SGCD: variants seen among roughly 807,000 people sequenced by gnomAD.
The protein encoded by SGCD is sarcoglycan delta.
A neutral mutation model predicts 36.6 loss-of-function variants in SGCD; 18 were observed. The ratio of observed to expected loss-of-function variants is 0.49; its 90% CI spans 0.34 to 0.73. SGCD has a LOEUF of 0.73. Ranked by LOEUF, SGCD falls within the 30% of genes least tolerant of loss-of-function variation. The pLI, the probability that SGCD is intolerant of heterozygous loss-of-function variation, is 0.01. For synonymous variants in SGCD, 133 were observed against 130.6 expected (o/e 1.02, Z -0.12); for missense variants, 387 against 346.7 (o/e 1.12, Z -0.92).
chr5:156,317,261 A>G (rs1767541998), intron 3 of SGCD, among the ~76,000 whole-genome samples: 1 of 152,146 alleles, frequency 6.6e-6, no homozygotes, highest in African/African-American at 2.4e-5. Context: ...CATGTTAGGT[A>G]TGGTTATGTA....
rs550424139 is a variant in SGCD at position 156,750,222 on chromosome 5, AG to A, written c.576-7355del. 2.4e-3 allele frequency among the ~76,000 whole-genome samples: 367 copies of A among 152,256 alleles called. 1 individual carries two copies. The highest frequency in any genetic ancestry group is 8.6e-3 in the African/African-American group (356 of 41,566). On this transcript the variant is annotated intron_variant, in intron 7 of 8. Coordinates refer to ENST00000337851, the MANE Select transcript of SGCD (RefSeq NM_000337.6). Reference sequence around the variant, plus strand: ...GAGAACTATCTTATTAAAAGGCATTAGGGGAGAAAAATCCTAGAATAAAAAA... The same window carrying A: ...GAGAACTATCTTATTAAAAGGCATTAGGGAGAAAAATCCTAGAATAAAAAA...
At chr5:156,122,598 G>C (rs909445776) in intron 2 of SGCD, among the ~76,000 whole-genome samples, 1 of 151,842 alleles carries the variant, frequency 6.6e-6, no homozygotes, top group Non-Finnish European at 1.5e-5. Flanking sequence ...GAATAAATGA[G>C]GGGGAAAAGA....
intron 3 of SGCD, among the ~76,000 whole-genome samples, chr5:156,253,694 A>G (rs1415303325): frequency 6.6e-6 from 1 of 152,192 alleles, no homozygotes; most frequent in Non-Finnish European, 1.5e-5. Context: ...CGGATTCCTC[A>G]GGTGCCAGAA....
chr5:156,483,576 A>G (rs1755532871), intron 3 of SGCD, among the ~76,000 whole-genome samples: 1 of 152,136 alleles, frequency 6.6e-6, no homozygotes, highest in Non-Finnish European at 1.5e-5. Flanking sequence ...TGGCAACTTC[A>G]TTTGTATGTG....
intron 6 of SGCD, among the ~76,000 whole-genome samples, chr5:156,607,468 T>C (rs1205393849): frequency 1.3e-5 from 2 of 152,216 alleles, no homozygotes; most frequent in African/African-American, 2.4e-5. Context: ...TTGAGGATTT[T>C]TGCATCGATG....
rs1281342761 is a variant in SGCD at position 155,966,172 on chromosome 5, A to G, written c.-282+95748A>G. 3.3e-5 allele frequency among the ~76,000 whole-genome samples: 5 copies of G among 152,138 alleles called. No individual in the cohort carries two copies. In the East Asian group the frequency reaches 9.7e-4, roughly 29 times the overall value. ...TCTTTACACTCTTGTCAAATCCAAT[A>G]GAACCAACACCTTTTAATATATGCC... On this transcript the variant is annotated intron_variant, in intron 1 of 9. Transcript: ENST00000517913.
At chr5:156,014,077 G>T (rs1758915532) in intron 1 of SGCD, among the ~76,000 whole-genome samples, 1 of 151,772 alleles carries the variant, frequency 6.6e-6, no homozygotes, top group Admixed American at 6.6e-5. Flanking sequence ...GAAAATTCTA[G>T]CTTTAACATA....
At chr5:156,229,099 G>A (rs1764929395) in intron 3 of SGCD, among the ~76,000 whole-genome samples, 1 of 151,358 alleles carries the variant, frequency 6.6e-6, no homozygotes, top group Non-Finnish European at 1.5e-5. Flanking sequence ...AATGCTTCCT[G>A]CCCTCAAACA....
At chr5:156,518,851 CA>C (rs1474952300) in intron 4 of SGCD, among the ~76,000 whole-genome samples, 1 of 152,090 alleles carries the variant, frequency 6.6e-6, no homozygotes, top group African/African-American at 2.4e-5. Flanking sequence ...GCAGTTAAAG[CA>C]GTGTTAAGAG....
intron 1 of SGCD, among the ~76,000 whole-genome samples, chr5:155,952,788 A>AT (rs908208699): frequency 1.3e-5 from 2 of 152,268 alleles, no homozygotes; most frequent in East Asian, 1.9e-4. Flanking sequence ...AGTCATTTGC[A>AT]TTTTTTGCCT....
At chr5:156,444,101 TC>T (rs1753638148) in intron 3 of SGCD, among the ~76,000 whole-genome samples, 1 of 112,424 alleles carries the variant, frequency 8.9e-6, no homozygotes, top group African/African-American at 4.4e-5. Flanking sequence ...TCTCTCTCTC[TC>T]TCTCTCTCTC....
the SGCD span, among the ~76,000 whole-genome samples, chr5:155,794,476 T>C: frequency 1.3e-5 from 2 of 152,052 alleles, no homozygotes; most frequent in Non-Finnish European, 2.9e-5. Flanking sequence ...ATTTCTTCAG[T>C]TAAGTAAAAT....
At chr5:155,887,742 C>G (rs901959066) in intron 1 of SGCD, among the ~76,000 whole-genome samples, 7 of 152,178 alleles carry the variant, frequency 4.6e-5, no homozygotes, top group African/African-American at 1.4e-4. Flanking sequence ...TTAATGGTAT[C>G]ATCATTTACC....
chr5:155,925,287 T>A (rs1157740468), intron 1 of SGCD, among the ~76,000 whole-genome samples: 1 of 152,216 alleles, frequency 6.6e-6, no homozygotes, highest in Non-Finnish European at 1.5e-5. Flanking sequence ...TAAATTTTTC[T>A]AGTATATTAG....
chr5:156,268,929 CT>C (rs1219234378), intron 3 of SGCD, among the ~76,000 whole-genome samples: 7 of 150,986 alleles, frequency 4.6e-5, no homozygotes, highest in Non-Finnish European at 8.9e-5. Context: ...TGATGTTGAG[CT>C]TTTTTTTTCG....
chr5:156,014,450 T>G (rs1163936495), intron 1 of SGCD, among the ~76,000 whole-genome samples: 1 of 152,174 alleles, frequency 6.6e-6, no homozygotes, highest in Non-Finnish European at 1.5e-5. Context: ...TTATTTATTT[T>G]TTATGGGAGA....
chr5:156,161,706 A>G (rs1763090122), intron 3 of SGCD, among the ~76,000 whole-genome samples: 1 of 151,820 alleles, frequency 6.6e-6, no homozygotes, highest in Non-Finnish European at 1.5e-5. Context: ...GAACTATTAT[A>G]TGTTTGCAGT....
chr5:156,132,359 A>G (rs1762344702), intron 3 of SGCD, among the ~76,000 whole-genome samples: 1 of 149,348 alleles, frequency 6.7e-6, no homozygotes, highest in Non-Finnish European at 1.5e-5. Flanking sequence ...CATGTGGATC[A>G]CTTTTGTACT....
At chr5:156,289,333 A>C (rs761989832) in intron 3 of SGCD, among the ~76,000 whole-genome samples, 22 of 152,046 alleles carry the variant, frequency 1.4e-4, no homozygotes, top group Non-Finnish European at 2.1e-4. Flanking sequence ...TCCGGGATAC[A>C]CGTGCAGAAT....
Sources: gnomAD v4.1 joint callset for allele counts (sites outside exome capture counted in the v4.1 genomes callset) on GRCh38, gnomAD v4.1.1 for gene constraint, MANE v1.5 for transcripts, NCBI Gene and HGNC (gene_info 2026-07-23, HGNC 2026-07-21) for gene names.